The following PCDH15 variants were observed in gnomAD, a reference collection of about 807,000 sequenced individuals.
The protein encoded by PCDH15 is protocadherin-15.
PCDH15 carries 129 observed loss-of-function variants against 178.5 expected under a neutral mutation model. The ratio of observed to expected loss-of-function variants is 0.72; its 90% CI spans 0.63 to 0.84. The LOEUF is 0.84. PCDH15 is among the 40% of genes least tolerant of loss of function. The pLI, the probability that PCDH15 is intolerant of heterozygous loss-of-function variation, is 0.00. For missense variants in PCDH15, 2,230 were observed against 2,099.9 expected (o/e 1.06, Z -1.21); for synonymous variants, 800 against 732.0 (o/e 1.09, Z -1.50).
intron 3 of PCDH15, among the ~76,000 whole-genome samples, chr10:54,523,342 T>G (rs1025123780): frequency 1.3e-5 from 2 of 152,184 alleles, no homozygotes; most frequent in Non-Finnish European, 2.9e-5. Context: ...TAACAGTGCG[T>G]AGATTATAAC....
intron 3 of PCDH15, among the ~76,000 whole-genome samples, chr10:54,831,636 C>T (rs1255373359): frequency 1.3e-5 from 2 of 151,978 alleles, no homozygotes; most frequent in East Asian, 3.9e-4. Context: ...AACACCATAA[C>T]CAAAAGCTAA....
intron 3 of PCDH15, among the ~76,000 whole-genome samples, chr10:54,873,998 T>A (rs963067418): frequency 3.4e-5 from 5 of 145,342 alleles, no homozygotes; most frequent in African/African-American, 7.6e-5. Flanking sequence ...ATACTTTAAG[T>A]TTTAGGGTAC....
At chr10:54,831,205 T>C (rs1953221265) in intron 3 of PCDH15, among the ~76,000 whole-genome samples, 1 of 152,124 alleles carries the variant, frequency 6.6e-6, no homozygotes, top group African/African-American at 2.4e-5. Flanking sequence ...TTATTCCTGA[T>C]CTAACAAAAA....
intron 3 of PCDH15, among the ~76,000 whole-genome samples, chr10:54,814,655 T>G (rs118063892): frequency 2.6e-3 from 398 of 152,310 alleles, no homozygotes; most frequent in Non-Finnish European, 4.2e-3. Flanking sequence ...TCCATTTATA[T>G]CCTATATATC....
chr10:54,091,916 T>C (rs1332162342), intron 15 of PCDH15, among the ~76,000 whole-genome samples: 1 of 152,128 alleles, frequency 6.6e-6, no homozygotes, highest in African/African-American at 2.4e-5. Flanking sequence ...CTGAAGACGG[T>C]CATATCTCTA....
intron 3 of PCDH15, among the ~76,000 whole-genome samples, chr10:54,517,097 T>A (rs2082311739): frequency 6.6e-6 from 1 of 152,134 alleles, no homozygotes; most frequent in Non-Finnish European, 1.5e-5. Context: ...TACCAGCCAC[T>A]GCAAAAACAG....
At chr10:54,967,570 T>C (rs1399422981) in intron 2 of PCDH15, among the ~76,000 whole-genome samples, 2 of 152,182 alleles carry the variant, frequency 1.3e-5, no homozygotes, top group Non-Finnish European at 2.9e-5. Flanking sequence ...ATCCAGCTCA[T>C]ATATTTTACT....
At chr10:55,288,313 T>A (rs1429136772) in intron 1 of PCDH15, among the ~76,000 whole-genome samples, 1 of 151,420 alleles carries the variant, frequency 6.6e-6, no homozygotes, top group Admixed American at 6.6e-5. Flanking sequence ...GATGTAAGCA[T>A]CTGATTTTAA....
intron 8 of PCDH15, among the ~76,000 whole-genome samples, chr10:54,290,428 C>A (rs79007273): frequency 0.044 from 6,681 of 152,220 alleles, 500 homozygotes; most frequent in African/African-American, 0.15. Context: ...CCAATACCAG[C>A]CACCTCAAAA....
chr10:55,282,609 T>C (rs1842760538), intron 1 of PCDH15, among the ~76,000 whole-genome samples: 1 of 152,182 alleles, frequency 6.6e-6, no homozygotes, highest in African/African-American at 2.4e-5. Flanking sequence ...GATTAAAGTC[T>C]CCATAAAAGA....
chr10:53,825,123 A>G, intron 32 of PCDH15: 1 of 1,539,806 alleles, frequency 6.5e-7, no homozygotes, highest in South Asian at 1.2e-5. Context: ...TTAGAGTGAT[A>G]TTATTTACTT....
chr10:54,974,920 T>C (rs1172360847), intron 2 of PCDH15, among the ~76,000 whole-genome samples: 1 of 152,196 alleles, frequency 6.6e-6, no homozygotes, highest in Non-Finnish European at 1.5e-5. Context: ...CAAGAATTGA[T>C]AAGTTTCCAT....
At chr10:54,494,703 T>C (rs895411232) in intron 3 of PCDH15, among the ~76,000 whole-genome samples, 1 of 152,152 alleles carries the variant, frequency 6.6e-6, no homozygotes, top group African/African-American at 2.4e-5. Context: ...ATGGTCATAG[T>C]TTTTTTCTCT....
chr10:54,861,346 A>G (rs575354168), intron 3 of PCDH15, among the ~76,000 whole-genome samples: 1 of 152,308 alleles, frequency 6.6e-6, no homozygotes, highest in African/African-American at 2.4e-5. Context: ...AGTATGGCAC[A>G]TGGACAAACT....
chr10:53,941,836 G>A (rs548610560), intron 23 of PCDH15, among the ~76,000 whole-genome samples: 1 of 152,282 alleles, frequency 6.6e-6, no homozygotes, highest in African/African-American at 2.4e-5. Flanking sequence ...GCTGTCAATA[G>A]TCTGGATTTC....
intron 1 of PCDH15, among the ~76,000 whole-genome samples, chr10:54,756,054 AAAACACACACACACACACACACAC>A (rs1358805126): frequency 7.1e-5 from 8 of 111,964 alleles, no homozygotes; most frequent in Non-Finnish European, 1.4e-4. Context: ...GTCTCTACTA[AAAACACACACACACACACACACAC>A]ACACACACAC....
intron 2 of PCDH15, among the ~76,000 whole-genome samples, chr10:55,457,077 A>G (rs968201816): frequency 5.9e-5 from 9 of 152,090 alleles, no homozygotes; most frequent in African/African-American, 2.2e-4. Flanking sequence ...ATACAATGTG[A>G]AAGTACGAAG....
chr10:54,206,578 C>T (rs562843007), intron 10 of PCDH15, among the ~76,000 whole-genome samples: 20 of 152,118 alleles, frequency 1.3e-4, no homozygotes, highest in Admixed American at 1.1e-3. Flanking sequence ...CACTAAAGTA[C>T]CTTCTATGAA....
chr10:55,314,243 C>A (rs1301478773), intron 1 of PCDH15, among the ~76,000 whole-genome samples: 1 of 147,302 alleles, frequency 6.8e-6, no homozygotes. Flanking sequence ...TCTCAGTGTT[C>A]GTCATTACCC....
Sources: allele counts gnomAD v4.1 joint callset (sites outside exome capture counted in the v4.1 genomes callset), GRCh38; gene constraint gnomAD v4.1.1; transcripts MANE v1.5; gene names NCBI Gene and HGNC (gene_info 2026-07-23, HGNC 2026-07-21).